SLC7A8: variants seen among roughly 807,000 people sequenced by gnomAD.
SLC7A8 encodes the protein solute carrier family 7 member 8.
In SLC7A8, 30 loss-of-function variants were observed where a neutral mutation model predicts 51.2. The ratio of observed to expected loss-of-function variants is 0.59; its 90% CI spans 0.44 to 0.80. The LOEUF (loss-of-function observed/expected upper bound fraction) is 0.80, where lower values mean the gene tolerates loss of function less well. Ranked by LOEUF, SLC7A8 falls within the 30% of genes least tolerant of loss-of-function variation. The pLI is 0.00. For synonymous variants in SLC7A8, 257 were observed against 275.8 expected (o/e 0.93, Z 0.67); for missense variants, 612 against 674.4 (o/e 0.91, Z 1.03).
intron 3 of SLC7A8, among the ~76,000 whole-genome samples, chr14:23,151,835 G>A (rs116129763): frequency 0.023 from 3,430 of 151,542 alleles, 131 homozygotes; most frequent in African/African-American, 0.078. Context: ...AAGCTGAGGC[G>A]GATAGATCAC....
intron 3 of SLC7A8, among the ~76,000 whole-genome samples, chr14:23,143,794 C>G (rs912900604): frequency 6.6e-5 from 10 of 152,148 alleles, no homozygotes; most frequent in African/African-American, 2.4e-4. Flanking sequence ...CATCATGCTC[C>G]TTTGTAGTCA....
chr14:23,134,644 A>C (rs1164748978), intron 7 of SLC7A8, among the ~76,000 whole-genome samples: 1 of 151,894 alleles, frequency 6.6e-6, no homozygotes, highest in Non-Finnish European at 1.5e-5. Flanking sequence ...TGCAGCCTCC[A>C]ATTCCTGGGC....
chr14:23,180,892 T>G (rs1877142162), intron 1 of SLC7A8, among the ~76,000 whole-genome samples: 1 of 151,830 alleles, frequency 6.6e-6, no homozygotes. Flanking sequence ...CAGGGCGTGG[T>G]GGTGGGCGCC....
intron 3 of SLC7A8, among the ~76,000 whole-genome samples, chr14:23,158,820 A>G (rs1180486169): frequency 1.3e-5 from 2 of 152,028 alleles, no homozygotes; most frequent in East Asian, 3.9e-4. Flanking sequence ...CATCCTTGTT[A>G]CTTCATTCTT....
At chr14:23,133,310 A>G (rs2140304688) in intron 7 of SLC7A8, among the ~76,000 whole-genome samples, 2 of 152,092 alleles carry the variant, frequency 1.3e-5, no homozygotes, top group Middle Eastern at 6.8e-3. Flanking sequence ...GTGTGGTGGC[A>G]TGTGCCTGTT....
rs941470694 is a variant in SLC7A8 at position 23,139,424 on chromosome 14, C to T, written c.912G>A (p.Val304=). ...AGACTCTGGGACTTTCATTTCTTAC[C>T]ACAGCGACGGCGTTGGATGCCAGCA... The part of the protein sequence containing the change: ...QELLASNAVA[V]TFGEKLLGVM... Residue 304 remains valine, a splice_region_variant and synonymous_variant, in exon 6 of 11, where the codon GTG becomes GTA. Transcript: ENST00000316902. 5 of 1,613,782 alleles carry T rather than the reference C, an allele frequency of 3.1e-6. No homozygotes were observed. The highest frequency in any genetic ancestry group is 2.7e-5 in the African/African-American group (2 of 74,896).
chr14:23,172,389 T>C (rs1432646327), intron 1 of SLC7A8, among the ~76,000 whole-genome samples: 1 of 152,218 alleles, frequency 6.6e-6, no homozygotes, highest in Non-Finnish European at 1.5e-5. Flanking sequence ...AAGGTATTTA[T>C]TGAGCGCCCA....
intron 3 of SLC7A8, among the ~76,000 whole-genome samples, chr14:23,151,661 G>A (rs900608508): frequency 6.6e-5 from 10 of 151,920 alleles, no homozygotes; most frequent in African/African-American, 2.4e-4. Flanking sequence ...GGGAGGCTGG[G>A]GTGGGAGGAT....
intron 1 of SLC7A8, among the ~76,000 whole-genome samples, chr14:23,167,575 G>A (rs1477228397): frequency 2.0e-5 from 3 of 152,006 alleles, no homozygotes; most frequent in African/African-American, 4.8e-5. Flanking sequence ...TTACGCAGAC[G>A]AGGAGTAAGA....
chr14:23,179,215 C>T (rs1367815287), intron 1 of SLC7A8, among the ~76,000 whole-genome samples: 1 of 152,144 alleles, frequency 6.6e-6, no homozygotes, highest in African/African-American at 2.4e-5. Context: ...CATAACTTTG[C>T]CCTACTTTAG....
rs529577973 is a variant in SLC7A8 at position 23,153,722 on chromosome 14, G to A, written c.509-10518C>T. ...CCCTTAATCAATGTCACAGTCACATGTTCCCTCCAAACTCCCGGAACTCCA... is the reference window on the plus strand; with the variant it reads ...CCCTTAATCAATGTCACAGTCACATATTCCCTCCAAACTCCCGGAACTCCA... On this transcript the variant is annotated intron_variant, in intron 3 of 10. Coordinates refer to ENST00000316902, the MANE Select transcript of SLC7A8 (RefSeq NM_012244.4). Among the ~76,000 whole-genome samples the A allele has an allele frequency of 1.4e-4, 22 of 152,146 alleles. No homozygotes were observed. The South Asian group carries it at 4.4e-3, about 30-fold the overall frequency.
At chr14:23,154,998 CAA>C (rs33973055) in intron 3 of SLC7A8, among the ~76,000 whole-genome samples, 2,264 of 89,440 alleles carry the variant, frequency 0.025, 61 homozygotes, top group African/African-American at 0.085. Context: ...ACACAACAGA[CAA>C]AAAAAAAAAA....
At chr14:23,134,232 G>A (rs1018115084) in intron 7 of SLC7A8, among the ~76,000 whole-genome samples, 2 of 151,236 alleles carry the variant, frequency 1.3e-5, no homozygotes, top group South Asian at 2.1e-4. Context: ...TTTAAAAATC[G>A]CAAAATGCAG....
Position 23,139,555 on chromosome 14 carries a change from G to A in SLC7A8, c.789-8C>T. 1 of 1,611,536 alleles carries A rather than the reference G, an allele frequency of 6.2e-7. No homozygotes were observed. Among genetic ancestry groups the A allele is most frequent in the South Asian group, 1.1e-5 (1 of 90,858 alleles). ...ATGGCTCTGGGAAGGTTCCTGTAGA[G>A]GGAGAGGAGGTGAGGGGAAGGGCTG... On this transcript the variant is annotated splice_polypyrimidine_tract_variant and splice_region_variant and intron_variant, in intron 5 of 10. Transcript: ENST00000316902.
At chr14:23,150,736 A>C (rs962532387) in intron 3 of SLC7A8, among the ~76,000 whole-genome samples, 1 of 152,252 alleles carries the variant, frequency 6.6e-6, no homozygotes, top group African/African-American at 2.4e-5. Context: ...TGACACTCAC[A>C]GGCAAAGCAG....
intron 3 of SLC7A8, chr14:23,155,275 A>T: frequency 6.5e-7 from 1 of 1,536,072 alleles, no homozygotes; most frequent in Non-Finnish European, 8.7e-7. Flanking sequence ...GGGTGCAGAG[A>T]AGCTGTGAGG....
chr14:23,127,368 C>T lies in SLC7A8; in HGVS notation c.1442-25G>A, dbSNP rs528918020. On this transcript the variant is annotated intron_variant, in intron 10 of 10. Transcript: ENST00000316902. ...TCTGTAGGAAGAGATCACACAGAAA[C>T]CAGGCCAATGCTGAGTATCCCACCA... 9 of 1,610,666 alleles carry T rather than the reference C, an allele frequency of 5.6e-6. No individual in the cohort carries two copies. In the South Asian group the frequency reaches 9.9e-5, roughly 18 times the overall value.
chr14:23,132,123 C>T (rs1447292773), intron 7 of SLC7A8, among the ~76,000 whole-genome samples: 3 of 151,460 alleles, frequency 2.0e-5, no homozygotes, highest in African/African-American at 7.3e-5. Context: ...TCTGCCTCAG[C>T]CTCCCGAGAA....
At chr14:23,154,476 G>T (rs774074849) in intron 3 of SLC7A8, 334 of 986,056 alleles carry the variant, frequency 3.4e-4, no homozygotes, top group Middle Eastern at 1.0e-3. Context: ...TGGCTGCACC[G>T]AGTTCCTTGG....
Sources: gnomAD v4.1 joint callset for allele counts (sites outside exome capture counted in the v4.1 genomes callset) on GRCh38, gnomAD v4.1.1 for gene constraint, MANE v1.5 for transcripts, NCBI Gene and HGNC (gene_info 2026-07-23, HGNC 2026-07-21) for gene names.